SERAC1: variants seen among roughly 807,000 people sequenced by gnomAD.
SERAC1 encodes the protein serine active site containing 1.
Under a neutral mutation model 85.7 loss-of-function variants are expected in SERAC1, and 36 were observed. That is an observed-to-expected ratio of 0.42 (90% confidence interval 0.32 to 0.55). The LOEUF (loss-of-function observed/expected upper bound fraction) is 0.55. Ranked by LOEUF, SERAC1 falls within the 20% of genes least tolerant of loss-of-function variation. SERAC1 has a pLI of 0.11. For synonymous variants in SERAC1, 242 were observed against 265.3 expected, an observed-to-expected ratio of 0.91 and a Z score of 0.85; for missense variants, 629 against 796.2, an observed-to-expected ratio of 0.79 and a Z score of 2.53.
Position 158,146,861 on chromosome 6 carries a change from G to A in SERAC1, c.408C>T (p.Leu136=), listed in dbSNP as rs747583218. 6.2e-7 allele frequency: 1 copy of A among 1,613,868 alleles called. No homozygotes were observed. Among genetic ancestry groups the A allele is most frequent in the Non-Finnish European group, 8.5e-7 (1 of 1,179,896 alleles). Residue 136 remains leucine (L), a synonymous_variant, in exon 6 of 17, where the codon CTC becomes CTT. Transcript: ENST00000647468. ...TGTCATCTGACTTGCTCTTCCGTAG[G>A]AGCAGCCACACAGCACACTCATGAT... ...IEDHECAVWL[L]LRKSKSDDKT... is the part of the protein sequence containing the mutation.
chr6:158,146,229 A>G (rs1056710847), intron 6 of SERAC1: 7 of 152,284 alleles, frequency 4.6e-5, no homozygotes, highest in African/African-American at 1.7e-4. Flanking sequence ...ACACAAATAT[A>G]TATACCTCAT....
chr6:158,133,760 T>C (rs1477997018), intron 8 of SERAC1, among the ~76,000 whole-genome samples: 4 of 152,160 alleles, frequency 2.6e-5, no homozygotes, highest in African/African-American at 9.7e-5. Context: ...GGCTTTAAAA[T>C]GATGTTCATT....
intron 3 of SERAC1, among the ~76,000 whole-genome samples, chr6:158,153,391 A>T (rs928009239): frequency 1.3e-5 from 2 of 152,078 alleles, no homozygotes; most frequent in Non-Finnish European, 2.9e-5. Context: ...TTCTAGTTTG[A>T]GTCTGTTACA....
intron 8 of SERAC1, among the ~76,000 whole-genome samples, chr6:158,141,711 T>C (rs935728970): frequency 2.6e-5 from 4 of 152,132 alleles, no homozygotes; most frequent in African/African-American, 9.7e-5. Context: ...CAAAAAACCA[T>C]GGCACCTTCC....
At chr6:158,123,840 A>T (rs1397797307) in intron 10 of SERAC1, among the ~76,000 whole-genome samples, 1 of 152,208 alleles carries the variant, frequency 6.6e-6, no homozygotes, top group Non-Finnish European at 1.5e-5. Context: ...ATGGATTGGG[A>T]GAGGATAAAG....
chr6:158,164,432 G>A (rs925059304), intron 1 of SERAC1, among the ~76,000 whole-genome samples: 76 of 152,096 alleles, frequency 5.0e-4, no homozygotes, highest in African/African-American at 1.7e-3. Context: ...CAAAGATTGC[G>A]CCACGGCAGT....
intron 10 of SERAC1, among the ~76,000 whole-genome samples, chr6:158,123,964 G>A (rs1044191368): frequency 6.6e-6 from 1 of 152,112 alleles, no homozygotes; most frequent in African/African-American, 2.4e-5. Context: ...TAGGTGAAGT[G>A]GTTTCAGGCA....
chr6:158,128,640 A>G (rs1784601165), intron 9 of SERAC1, among the ~76,000 whole-genome samples: 1 of 152,132 alleles, frequency 6.6e-6, no homozygotes, highest in Non-Finnish European at 1.5e-5. Flanking sequence ...AAAATCTGCC[A>G]CCTATTCTCA....
intron 2 of SERAC1, among the ~76,000 whole-genome samples, chr6:158,156,834 A>G (rs1239275801): frequency 7.4e-6 from 1 of 134,232 alleles, no homozygotes; most frequent in Non-Finnish European, 1.6e-5. Flanking sequence ...TTAATATATT[A>G]TATAAATATA....
chr6:158,165,571 A>ATAC (rs1210165109), intron 1 of SERAC1, among the ~76,000 whole-genome samples: 1 of 152,140 alleles, frequency 6.6e-6, no homozygotes, highest in African/African-American at 2.4e-5. Flanking sequence ...CAGGCCTTTC[A>ATAC]TACTCAACTG....
chr6:158,147,611 A>T (rs1386982530), intron 5 of SERAC1, among the ~76,000 whole-genome samples: 3 of 150,380 alleles, frequency 2.0e-5, no homozygotes, highest in Non-Finnish European at 1.5e-5. Context: ...ATACAAAAAA[A>T]AAAAAAAAAT....
In SERAC1 at chr6:158,114,968, A is replaced by C. The variant is rs2128410682; in HGVS notation, c.1505T>G (p.Leu502Arg). The part of the protein sequence containing the change: ...VVWISHSMGG[L>R]LVKKMLLEAS... ...TTCCAACAGCATCTTTTTGACAAGAAGACCTAGCCACAGACAAGGGAAAAA... is the reference window on the plus strand; with the variant it reads ...TTCCAACAGCATCTTTTTGACAAGACGACCTAGCCACAGACAAGGGAAAAA... The change falls in exon 15 of 17, where the codon CTT (leucine) becomes CGT (arginine). Residue 502 changes from leucine (L) to arginine (R), a missense_variant. Transcript: ENST00000647468. The C allele has an allele frequency of 6.2e-7, 1 of 1,609,906 alleles. No homozygotes were observed.
chr6:158,122,433 G>A (rs860417), intron 10 of SERAC1, among the ~76,000 whole-genome samples: 79,699 of 152,040 alleles, frequency 0.52, 21,173 homozygotes, highest in African/African-American at 0.59. Context: ...GTAATGAAAG[G>A]TAGAAGTTTG....
Position 158,158,299 on chromosome 6 carries a change from T to C in SERAC1, c.65A>G (p.Lys22Arg). Residue 22 changes from lysine to arginine, a missense_variant, in exon 2 of 17, where the codon AAA (lysine) becomes AGA (arginine). Physicochemically the swap from Lys to Arg is conservative, Grantham distance 26. Coordinates refer to ENST00000647468, the MANE Select transcript of SERAC1 (RefSeq NM_032861.4). Reference sequence around the variant, plus strand: ...GATATCTCTCCAGTGTGTGCCACTTTTTGGTGGGGAAGTAGAGGTTCCTAT... The same window carrying C: ...GATATCTCTCCAGTGTGTGCCACTTCTTGGTGGGGAAGTAGAGGTTCCTAT... ...RRIGTSTSPPKSGTHWRDIRN... is the reference protein window; with the variant it reads ...RRIGTSTSPPRSGTHWRDIRN... 1 of 1,613,574 alleles carries C rather than the reference T, an allele frequency of 6.2e-7. No homozygotes were observed. Among genetic ancestry groups the C allele is most frequent in the East Asian group, 2.2e-5 (1 of 44,858 alleles).
chr6:158,163,236 G>A (rs113332493), intron 1 of SERAC1, among the ~76,000 whole-genome samples: 6 of 152,246 alleles, frequency 3.9e-5, no homozygotes, highest in African/African-American at 9.6e-5. Flanking sequence ...GTTTTAGCCC[G>A]TAGCCTTTGG....
intron 8 of SERAC1, among the ~76,000 whole-genome samples, chr6:158,131,579 G>T (rs1210276775): frequency 6.6e-6 from 1 of 151,624 alleles, no homozygotes; most frequent in Non-Finnish European, 1.5e-5. Context: ...ACACTAAGAA[G>T]CTACATTTGT....
At chr6:158,165,965 T>C (rs184456278) in intron 1 of SERAC1, 1 of 152,354 alleles carries the variant, frequency 6.6e-6, no homozygotes, top group East Asian at 1.9e-4. Context: ...AGATAGATAG[T>C]AGTGCTGGTT....
chr6:158,143,218 A>G (rs376530996), intron 7 of SERAC1, 34 bp from the exon 8 acceptor site: 45 of 1,605,028 alleles, frequency 2.8e-5, no homozygotes, highest in Non-Finnish European at 3.8e-5. Flanking sequence ...CTTCATAAAT[A>G]CTCAACAACT....
chr6:158,138,029 C>A lies in SERAC1; in HGVS notation c.738+5027G>T, dbSNP rs192138848. 5.9e-5 allele frequency among the ~76,000 whole-genome samples: 9 copies of A among 152,268 alleles called. No homozygotes were observed. The East Asian group carries it at 1.7e-3, about 29-fold the overall frequency. Reference sequence around the variant, plus strand: ...CCAAGGCGGTGAATGTTAAAACACACAAACACATGATATGTTAACTATGAA... The same window carrying A: ...CCAAGGCGGTGAATGTTAAAACACAAAAACACATGATATGTTAACTATGAA... On this transcript the variant is annotated intron_variant, in intron 8 of 16. Transcript: ENST00000647468.
Sources: gnomAD v4.1 joint callset for allele counts (sites outside exome capture counted in the v4.1 genomes callset) on GRCh38, gnomAD v4.1.1 for gene constraint, MANE v1.5 for transcripts, NCBI Gene and HGNC (gene_info 2026-07-23, HGNC 2026-07-21) for gene names.